Variants in CCDC178 observed in about 807,000 individuals in gnomAD.
CCDC178 encodes coiled-coil domain containing 178.
A neutral mutation model predicts 117.4 loss-of-function variants in CCDC178; 126 were observed. The observed-to-expected ratio is 1.07, with a 90% CI of 0.93 to 1.24. The LOEUF is 1.24. Ranked by LOEUF, CCDC178 falls within the 50% of genes most tolerant of loss-of-function variation. The pLI is 0.00. For synonymous variants in CCDC178, 283 were observed against 313.4 expected (o/e 0.90, Z 1.02); for missense variants, 1,030 against 986.9 (o/e 1.04, Z -0.59).
At chr18:33,096,579 A>C (rs978388555) in intron 20 of CCDC178, among the ~76,000 whole-genome samples, 1 of 151,882 alleles carries the variant, frequency 6.6e-6, no homozygotes, top group Non-Finnish European at 1.5e-5. Flanking sequence ...CTGTATTGTA[A>C]CTGAATGTAA....
intron 10 of CCDC178, among the ~76,000 whole-genome samples, chr18:33,324,041 A>G (rs1282624130): frequency 6.6e-6 from 1 of 151,850 alleles, no homozygotes; most frequent in African/African-American, 2.4e-5. Context: ...TTTGCCATTA[A>G]AAGTATGCAC....
At chr18:33,030,432 T>A (rs543737150) in intron 21 of CCDC178, among the ~76,000 whole-genome samples, 3 of 152,178 alleles carry the variant, frequency 2.0e-5, no homozygotes, top group African/African-American at 7.2e-5. Context: ...GTCTTTAGAT[T>A]AGATTGTTTA....
intron 14 of CCDC178, among the ~76,000 whole-genome samples, chr18:33,259,224 T>G (rs2059713869): frequency 6.6e-6 from 1 of 152,180 alleles, no homozygotes; most frequent in African/African-American, 2.4e-5. Flanking sequence ...ACCACAGAAT[T>G]AAGTTTTTTT....
At chr18:33,223,003 A>G (rs1398127156) in intron 18 of CCDC178, 103 bp downstream of exon 18, 7 of 814,736 alleles carry the variant, frequency 8.6e-6, no homozygotes, top group Non-Finnish European at 1.3e-5. Flanking sequence ...TGCAATCAAT[A>G]AGAAATGAGA....
intron 20 of CCDC178, among the ~76,000 whole-genome samples, chr18:33,193,264 C>CAAAAAAAA (rs59092607): frequency 1.0e-4 from 8 of 77,178 alleles, no homozygotes; most frequent in Admixed American, 4.1e-4. Flanking sequence ...CTCCGTCTCA[C>CAAAAAAAA]AAAAAAAAAA....
At chr18:33,135,768 T>C (rs929452694) in intron 20 of CCDC178, among the ~76,000 whole-genome samples, 1 of 152,188 alleles carries the variant, frequency 6.6e-6, no homozygotes, top group Middle Eastern at 3.2e-3. Context: ...GTAGCCCACC[T>C]AGCTTGCTGA....
At chr18:33,418,570 T>C (rs977539926) in intron 2 of CCDC178, among the ~76,000 whole-genome samples, 4 of 148,872 alleles carry the variant, frequency 2.7e-5, no homozygotes, top group Admixed American at 2.7e-4. Flanking sequence ...GACAATACAT[T>C]TCTATATCTA....
At chr18:33,011,721 T>C (rs1033338780) in intron 21 of CCDC178, among the ~76,000 whole-genome samples, 2 of 138,512 alleles carry the variant, frequency 1.4e-5, no homozygotes, top group East Asian at 4.1e-4. Flanking sequence ...AGGAAGGGTT[T>C]TGGCAAACAG....
intron 10 of CCDC178, among the ~76,000 whole-genome samples, chr18:33,332,005 A>T (rs1359275098): frequency 6.6e-6 from 1 of 152,244 alleles, no homozygotes; most frequent in East Asian, 1.9e-4. Context: ...ATGAAATGGT[A>T]AGTAATTACA....
intron 20 of CCDC178, among the ~76,000 whole-genome samples, chr18:33,167,111 A>G (rs1468280258): frequency 6.6e-6 from 1 of 152,152 alleles, no homozygotes; most frequent in Non-Finnish European, 1.5e-5. Context: ...ACGTGATCTC[A>G]TTATTTTTTA....
chr18:33,114,371 T>TG (rs2057823664), intron 20 of CCDC178, among the ~76,000 whole-genome samples: 1 of 151,642 alleles, frequency 6.6e-6, no homozygotes, highest in South Asian at 2.1e-4. Context: ...TCCGAGAGAA[T>TG]GGGGGGTGGG....
At chr18:33,081,273 G>A (rs915208885) in intron 21 of CCDC178, among the ~76,000 whole-genome samples, 1 of 152,170 alleles carries the variant, frequency 6.6e-6, no homozygotes, top group Non-Finnish European at 1.5e-5. Flanking sequence ...GTCATACACA[G>A]CATTATGTTG....
chr18:33,128,849 T>A (rs1251887668), intron 20 of CCDC178, among the ~76,000 whole-genome samples: 3 of 152,194 alleles, frequency 2.0e-5, no homozygotes, highest in Non-Finnish European at 4.4e-5. Context: ...AACCTCTGAT[T>A]GCACCATTTC....
In CCDC178 at chr18:33,175,598, G is replaced by C. The variant is rs544799306; in HGVS notation, c.2238+36298C>G. Among the ~76,000 whole-genome samples, 6 of 152,252 alleles carry C rather than the reference G, an allele frequency of 3.9e-5. No individual in the cohort carries two copies. The East Asian group carries it at 9.7e-4, about 25-fold the overall frequency. Reference sequence around the variant, plus strand: ...TTGAACTTCGCAGAGGCAGTGCTTTGTTGGTTTCTATCTGAAACACTAAGC... The same window carrying C: ...TTGAACTTCGCAGAGGCAGTGCTTTCTTGGTTTCTATCTGAAACACTAAGC... On this transcript the variant is annotated intron_variant, in intron 20 of 22. Transcript: ENST00000383096.
chr18:33,119,468 A>C (rs1432236061), intron 20 of CCDC178, among the ~76,000 whole-genome samples: 1 of 152,198 alleles, frequency 6.6e-6, no homozygotes, highest in Non-Finnish European at 1.5e-5. Flanking sequence ...AGAAATGCAA[A>C]TCAAAACCAC....
chr18:33,372,241 T>C (rs773422955), intron 5 of CCDC178, among the ~76,000 whole-genome samples: 1 of 152,114 alleles, frequency 6.6e-6, no homozygotes, highest in Non-Finnish European at 1.5e-5. Context: ...GTTACTCTTT[T>C]TATTTCATTG....
At chr18:33,429,343 G>T (rs1412574740) in intron 2 of CCDC178, among the ~76,000 whole-genome samples, 1 of 151,856 alleles carries the variant, frequency 6.6e-6, no homozygotes, top group Non-Finnish European at 1.5e-5. Context: ...AGGGAGAAAA[G>T]CAGAGAAGGA....
At chr18:33,021,774 T>C (rs1598797789) in intron 21 of CCDC178, among the ~76,000 whole-genome samples, 1 of 152,196 alleles carries the variant, frequency 6.6e-6, no homozygotes, top group Non-Finnish European at 1.5e-5. Context: ...TTCAAACATC[T>C]ACTCCTATTT....
Position 33,346,092 on chromosome 18 carries a change from G to A in CCDC178, c.658+119C>T, listed in dbSNP as rs144416436. 632 of 650,740 alleles carry A rather than the reference G, an allele frequency of 9.7e-4. 1 individual carries two copies. The highest frequency in any genetic ancestry group is 7.8e-3 in the East Asian group (257 of 32,996). 40.3% of individuals were successfully genotyped at this position (650,740 alleles called of 1,614,324 possible). ...ATCCGCATCCCCAGCCTCCCAAAGC[G>A]TGGGATTACAGGCATGAGCCATGGC... On this transcript the variant is annotated intron_variant, in intron 9 of 22. Transcript: ENST00000383096.
Sources: gnomAD v4.1 joint callset for allele counts (sites outside exome capture counted in the v4.1 genomes callset) on GRCh38, gnomAD v4.1.1 for gene constraint, MANE v1.5 for transcripts, NCBI Gene and HGNC (gene_info 2026-07-23, HGNC 2026-07-21) for gene names.